The following ATRNL1 variants were observed in gnomAD, a reference collection of about 807,000 sequenced individuals.
ATRNL1 encodes the protein attractin like 1, also known as attractin-like protein 1.
ATRNL1 carries 95 observed loss-of-function variants against 182.7 expected under a neutral mutation model. That is an observed-to-expected ratio of 0.52 (90% CI 0.44 to 0.62). The LOEUF (loss-of-function observed/expected upper bound fraction) is 0.62. Among genes scored for constraint, ATRNL1 ranks in the 20% least tolerant of loss-of-function variants. The probability of loss-of-function intolerance (pLI) is 0.00; values close to 1 mark genes in which losing one functional copy is unlikely to be tolerated. For missense variants in ATRNL1, 1,471 were observed against 1,679.5 expected (o/e 0.88, Z 2.17); for synonymous variants, 576 against 568.3 (o/e 1.01, Z -0.19).
At chr10:115,342,414 T>C (rs1263798730) in intron 19 of ATRNL1, among the ~76,000 whole-genome samples, 1 of 151,996 alleles carries the variant, frequency 6.6e-6, no homozygotes, top group African/African-American at 2.4e-5. Flanking sequence ...GCCCATTATT[T>C]TAACCTAATA....
At chr10:115,899,720 G>A (rs145351648) in intron 28 of ATRNL1, among the ~76,000 whole-genome samples, 328 of 152,274 alleles carry the variant, frequency 2.2e-3, no homozygotes, top group African/African-American at 7.3e-3. Flanking sequence ...TGATTGTCTT[G>A]AGACGCTGGA....
intron 19 of ATRNL1, among the ~76,000 whole-genome samples, chr10:115,389,569 T>TATATATATATATAC (rs1843897512): frequency 8.3e-6 from 1 of 120,084 alleles, no homozygotes; most frequent in Non-Finnish European, 1.8e-5. Context: ...TATATATATA[T>TATATATATATATAC]ATATATATAT....
At chr10:115,788,434 TA>T (rs1158274907) in intron 27 of ATRNL1, among the ~76,000 whole-genome samples, 7 of 152,316 alleles carry the variant, frequency 4.6e-5, no homozygotes, top group African/African-American at 1.7e-4. Context: ...TTTCACATTA[TA>T]AATTACAGAT....
intron 18 of ATRNL1, among the ~76,000 whole-genome samples, chr10:115,332,234 G>T (rs550421146): frequency 6.6e-6 from 1 of 152,100 alleles, no homozygotes; most frequent in African/African-American, 2.4e-5. Flanking sequence ...TTGGGGATGG[G>T]GTATTGTGGT....
chr10:115,532,777 C>G (rs1378636755), intron 25 of ATRNL1, among the ~76,000 whole-genome samples: 3 of 151,568 alleles, frequency 2.0e-5, no homozygotes, highest in African/African-American at 7.3e-5. Flanking sequence ...ATAGATAGCT[C>G]TTATTATTTT....
In ATRNL1 at chr10:115,884,472, G is replaced by A. The variant is rs139305842; in HGVS notation, c.4018+36481G>A. On this transcript the variant is annotated intron_variant, in intron 28 of 28. Transcript: ENST00000355044. ...CAACAACAACAAAAAGCATTAGGCC[G>A]CTTCTTCCTAATTATGTCTCTCTCT... Among the ~76,000 whole-genome samples, 1,068 of 152,274 alleles carry A rather than the reference G, an allele frequency of 7.0e-3. 13 individuals are homozygous for A. Among genetic ancestry groups the A allele is most frequent in the African/African-American group, 0.025 (1,019 of 41,542 alleles).
At chr10:115,808,710 G>T (rs1949978134) in intron 27 of ATRNL1, among the ~76,000 whole-genome samples, 2 of 152,102 alleles carry the variant, frequency 1.3e-5, no homozygotes, top group Non-Finnish European at 2.9e-5. Context: ...CATTTTTAAT[G>T]TTAGTCATTC....
intron 18 of ATRNL1, among the ~76,000 whole-genome samples, chr10:115,322,222 C>T (rs1035256690): frequency 1.3e-5 from 2 of 151,536 alleles, no homozygotes; most frequent in Non-Finnish European, 2.9e-5. Flanking sequence ...ATGTTGTGGA[C>T]CCAACAGTAC....
intron 24 of ATRNL1, among the ~76,000 whole-genome samples, chr10:115,506,786 T>TAA (rs1397422219): frequency 6.6e-6 from 1 of 152,068 alleles, no homozygotes; most frequent in Non-Finnish European, 1.5e-5. Flanking sequence ...TGTTTGCTTA[T>TAA]GCTGATATCA....
Position 115,114,790 on chromosome 10 carries a change from G to A in ATRNL1, c.294-5395G>A, listed in dbSNP as rs186535798. Among the ~76,000 whole-genome samples the A allele has an allele frequency of 6.1e-4, 93 of 152,112 alleles. 4 individuals are homozygous for A. In the East Asian group the frequency reaches 0.014, roughly 24 times the overall value. ...AGGGAAGTTTTGTACACTATTGGGG[G>A]AAAGTAAATTAGTACAGCCATTTTG... On this transcript the variant is annotated intron_variant, in intron 1 of 28. Coordinates refer to ENST00000355044, the MANE Select transcript of ATRNL1 (RefSeq NM_207303.4).
intron 24 of ATRNL1, among the ~76,000 whole-genome samples, chr10:115,480,374 CTT>C (rs1397321408): frequency 6.6e-6 from 1 of 151,014 alleles, no homozygotes; most frequent in Non-Finnish European, 1.5e-5. Context: ...ACACAGAACA[CTT>C]TTCGTTATTT....
intron 19 of ATRNL1, among the ~76,000 whole-genome samples, chr10:115,369,678 T>G (rs1188138935): frequency 6.6e-6 from 1 of 152,176 alleles, no homozygotes; most frequent in Non-Finnish European, 1.5e-5. Context: ...CTTATTAATT[T>G]ACATTCCCCC....
chr10:115,696,147 C>G (rs1244690605), intron 26 of ATRNL1, among the ~76,000 whole-genome samples: 1 of 152,156 alleles, frequency 6.6e-6, no homozygotes, highest in Non-Finnish European at 1.5e-5. Context: ...ATCCGCCTGC[C>G]TTGGCCTCCC....
intron 26 of ATRNL1, among the ~76,000 whole-genome samples, chr10:115,713,725 T>TATCTA (rs1947157704): frequency 2.7e-5 from 4 of 150,556 alleles, no homozygotes; most frequent in Admixed American, 6.6e-5. Flanking sequence ...TCTATCTATC[T>TATCTA]ATCTATCTAT....
chr10:115,127,280 A>T (rs1159732192), intron 3 of ATRNL1, among the ~76,000 whole-genome samples: 1 of 152,136 alleles, frequency 6.6e-6, no homozygotes, highest in Non-Finnish European at 1.5e-5. Context: ...TAAGTGGAAG[A>T]CTACCCTGTA....
At chr10:115,418,778 A>T (rs953237552) in intron 20 of ATRNL1, among the ~76,000 whole-genome samples, 1 of 152,200 alleles carries the variant, frequency 6.6e-6, no homozygotes, top group Admixed American at 6.5e-5. Flanking sequence ...TCAGGGCAGG[A>T]GGGAATGTGA....
intron 26 of ATRNL1, among the ~76,000 whole-genome samples, chr10:115,559,179 G>T (rs1853510745): frequency 6.6e-6 from 1 of 152,174 alleles, no homozygotes; most frequent in African/African-American, 2.4e-5. Flanking sequence ...ATGGGCCACT[G>T]TCCCCATCAT....
Position 115,436,318 on chromosome 10 carries a change from T to A in ATRNL1, c.3322+10016T>A, listed in dbSNP as rs7079725. Reference sequence around the variant, plus strand: ...ATAGGTCATGGCATATTATTAAAAATCCCATAAATTAGAAAAATTAATGTA... The same window carrying A: ...ATAGGTCATGGCATATTATTAAAAAACCCATAAATTAGAAAAATTAATGTA... On this transcript the variant is annotated intron_variant, in intron 21 of 28. Transcript: ENST00000355044. Among the ~76,000 whole-genome samples, 62 of 152,234 alleles carry A rather than the reference T, an allele frequency of 4.1e-4. 1 individual carries two copies. The highest frequency in any genetic ancestry group is 1.3e-3 in the African/African-American group (55 of 41,564).
intron 27 of ATRNL1, among the ~76,000 whole-genome samples, chr10:115,821,504 A>G (rs1034081000): frequency 3.3e-5 from 5 of 151,088 alleles, no homozygotes; most frequent in African/African-American, 1.2e-4. Flanking sequence ...AGATGGATAA[A>G]GAGTCAAGAC....
Sources: gnomAD v4.1 joint callset for allele counts (sites outside exome capture counted in the v4.1 genomes callset) on GRCh38, gnomAD v4.1.1 for gene constraint, MANE v1.5 for transcripts, NCBI Gene and HGNC (gene_info 2026-07-23, HGNC 2026-07-21) for gene names.